The following RASAL2 variants were observed in gnomAD, a reference collection of about 807,000 sequenced individuals.
The protein encoded by RASAL2 is ras GTPase-activating protein nGAP.
Under a neutral mutation model 128.9 loss-of-function variants are expected in RASAL2, and 58 were observed. The observed-to-expected ratio is 0.45, with a 90% CI of 0.36 to 0.56. The LOEUF is 0.56. Among genes scored for constraint, RASAL2 ranks in the 20% least tolerant of loss-of-function variants. The pLI is 0.00. For missense variants in RASAL2, 1,360 were observed against 1,601.6 expected (o/e 0.85, Z 2.57); for synonymous variants, 561 against 580.8 (o/e 0.97, Z 0.49).
chr1:178,330,823 A>G lies in RASAL2; in HGVS notation c.457+30705A>G, dbSNP rs558199885. Among the ~76,000 whole-genome samples the G allele has an allele frequency of 3.9e-5, 6 of 152,290 alleles. No homozygotes were observed. The South Asian group carries it at 1.2e-3, about 32-fold the overall frequency. On this transcript the variant is annotated intron_variant, in intron 3 of 17. Transcript: ENST00000367649. ...TTTCACCTTTCATCTTCATTTATGG[A>G]ATTTCTATACAATAAATATGTTTGG...
intron 1 of RASAL2, among the ~76,000 whole-genome samples, chr1:178,232,011 C>T (rs1459642094): frequency 6.6e-6 from 1 of 152,022 alleles, no homozygotes; most frequent in Non-Finnish European, 1.5e-5. Flanking sequence ...CGATTTCGAC[C>T]ATAATAAGAA....
At chr1:178,307,347 C>T (rs576885388) in intron 3 of RASAL2, among the ~76,000 whole-genome samples, 135 of 151,966 alleles carry the variant, frequency 8.9e-4, no homozygotes, top group African/African-American at 3.1e-3. Context: ...TCTAAAGTAC[C>T]CACTTCCAGA....
intron 1 of RASAL2, among the ~76,000 whole-genome samples, chr1:178,099,979 A>G (rs1182881610): frequency 6.6e-6 from 1 of 152,014 alleles, no homozygotes; most frequent in Non-Finnish European, 1.5e-5. Context: ...ACAAAATCAT[A>G]CCAAGTGGTA....
intron 1 of RASAL2, among the ~76,000 whole-genome samples, chr1:178,130,537 C>T (rs902166942): frequency 6.6e-5 from 10 of 152,096 alleles, no homozygotes; most frequent in East Asian, 3.8e-4. Context: ...TTCTTGAATG[C>T]GGTCTTGACT....
At chr1:178,321,084 T>C (rs6665462) in intron 3 of RASAL2, among the ~76,000 whole-genome samples, 6,764 of 152,212 alleles carry the variant, frequency 0.044, 416 homozygotes, top group African/African-American at 0.14. Context: ...AATAATTTTT[T>C]ATTTATTTAT....
intron 5 of RASAL2, among the ~76,000 whole-genome samples, chr1:178,424,880 A>G (rs139426997): frequency 3.7e-4 from 56 of 152,334 alleles, no homozygotes; most frequent in African/African-American, 1.2e-3. Context: ...GAAAAATACC[A>G]TAGTTTTACC....
intron 17 of RASAL2, chr1:178,470,617 G>C: frequency 8.4e-7 from 1 of 1,184,378 alleles, no homozygotes; most frequent in Non-Finnish European, 1.1e-6. Flanking sequence ...AACAGAGAAG[G>C]GCTTCCTCCT....
At chr1:178,187,963 C>T (rs1662362834) in intron 1 of RASAL2, among the ~76,000 whole-genome samples, 1 of 151,968 alleles carries the variant, frequency 6.6e-6, no homozygotes, top group Non-Finnish European at 1.5e-5. Flanking sequence ...ACTATTAATA[C>T]CAATGTGTAA....
chr1:178,144,203 G>T (rs1660638867), intron 1 of RASAL2, among the ~76,000 whole-genome samples: 1 of 152,108 alleles, frequency 6.6e-6, no homozygotes, highest in Non-Finnish European at 1.5e-5. Flanking sequence ...TGCACAGATA[G>T]ATTCCGTACA....
At chr1:178,266,948 G>A (rs533649856) in intron 1 of RASAL2, among the ~76,000 whole-genome samples, 3 of 152,148 alleles carry the variant, frequency 2.0e-5, no homozygotes, top group Non-Finnish European at 4.4e-5. Flanking sequence ...CATGCTGGGC[G>A]GACCCAGTTT....
At chr1:178,387,489 G>T (rs889975592) in intron 3 of RASAL2, among the ~76,000 whole-genome samples, 1 of 151,894 alleles carries the variant, frequency 6.6e-6, no homozygotes, top group African/African-American at 2.4e-5. Context: ...TCATCATTTA[G>T]CATTAGGTAT....
chr1:178,244,151 T>A (rs182159383), intron 1 of RASAL2, among the ~76,000 whole-genome samples: 2 of 152,332 alleles, frequency 1.3e-5, no homozygotes, highest in East Asian at 3.9e-4. Flanking sequence ...AAAAAGGTAC[T>A]GGGATGGATA....
chr1:178,135,534 A>T (rs573347504), intron 1 of RASAL2, among the ~76,000 whole-genome samples: 89 of 148,188 alleles, frequency 6.0e-4, no homozygotes, highest in Non-Finnish European at 1.0e-3. Context: ...CCGAATACGT[A>T]GTAGCTGAAT....
chr1:178,257,803 T>G (rs931552680), intron 1 of RASAL2, among the ~76,000 whole-genome samples: 1 of 146,352 alleles, frequency 6.8e-6, no homozygotes, highest in East Asian at 2.0e-4. Context: ...ATCATGCCAC[T>G]GCATTCTAGC....
intron 1 of RASAL2, among the ~76,000 whole-genome samples, chr1:178,264,461 C>T (rs1411590563): frequency 1.3e-5 from 2 of 152,076 alleles, no homozygotes; most frequent in African/African-American, 4.8e-5. Flanking sequence ...GATGTTATCC[C>T]CTTGTATAAT....
chr1:178,327,057 A>T (rs1232031410), intron 3 of RASAL2, among the ~76,000 whole-genome samples: 1 of 152,220 alleles, frequency 6.6e-6, no homozygotes, highest in Non-Finnish European at 1.5e-5. Flanking sequence ...GTCCAGGTAA[A>T]TAGAACAATC....
intron 1 of RASAL2, among the ~76,000 whole-genome samples, chr1:178,236,354 G>C (rs1368895586): frequency 6.6e-6 from 1 of 151,420 alleles, no homozygotes; most frequent in Non-Finnish European, 1.5e-5. Flanking sequence ...CTGTCTCTCA[G>C]CTTTAGAATT....
intron 1 of RASAL2, among the ~76,000 whole-genome samples, chr1:178,146,151 AT>A: frequency 6.6e-6 from 1 of 152,236 alleles, no homozygotes; most frequent in East Asian, 1.9e-4. Context: ...GGTGTCTTTT[AT>A]AAATTCCTGT....
Position 178,094,479 on chromosome 1 carries a change from C to A in RASAL2, c.-14C>A. ...CGAAGCCGCCGCCTCGTCCCCCTCC[C>A]GCCTCGGGGCACCATGGAGCTCTCT... On this transcript the variant is annotated 5_prime_UTR_variant, in exon 1 of 18. Coordinates refer to ENST00000367649, the MANE Select transcript of RASAL2 (RefSeq NM_170692.4). 1 of 1,538,456 alleles carries A rather than the reference C, an allele frequency of 6.5e-7. No homozygotes were observed.
Sources: gnomAD v4.1 joint callset for allele counts (sites outside exome capture counted in the v4.1 genomes callset) on GRCh38, gnomAD v4.1.1 for gene constraint, MANE v1.5 for transcripts, NCBI Gene and HGNC (gene_info 2026-07-23, HGNC 2026-07-21) for gene names.